Variants in SLC4A10 observed in about 807,000 individuals in gnomAD.
SLC4A10 encodes the protein sodium-driven chloride bicarbonate exchanger.
A neutral mutation model predicts 137.7 loss-of-function variants in SLC4A10; 42 were observed. The ratio of observed to expected loss-of-function variants is 0.30; its 90% CI spans 0.24 to 0.39. The LOEUF is 0.39. SLC4A10 is among the 10% of genes least tolerant of loss of function. SLC4A10 has a pLI of 1.00. For synonymous variants in SLC4A10, 474 were observed against 464.1 expected, an observed-to-expected ratio of 1.02 and a Z score of -0.27; for missense variants, 925 against 1,355.0, an observed-to-expected ratio of 0.68 and a Z score of 4.98.
intron 26 of SLC4A10, among the ~76,000 whole-genome samples, chr2:161,978,451 A>C (rs1699754256): frequency 1.3e-5 from 2 of 151,832 alleles, no homozygotes; most frequent in African/African-American, 2.4e-5. Context: ...CAAAGCTGAG[A>C]GCCTCCATTA....
rs751709773 is a variant in SLC4A10, at chr2:161,904,173, C to A, written c.1612C>A (p.Arg538Ser). The A allele has an allele frequency of 1.9e-6, 3 of 1,609,708 alleles. No homozygotes were observed. Among genetic ancestry groups the A allele is most frequent in the Non-Finnish European group, 2.5e-6 (3 of 1,177,988 alleles). Residue 538 changes from arginine (R) to serine (S), a missense_variant, in exon 13 of 27, where the codon CGT becomes AGT. Transcript: ENST00000446997. ...GGLLGEATEG[R>S]ISAIESLFGA... Reference sequence around the variant, plus strand: ...ACTGCTGGGAGAAGCAACTGAAGGGCGTATAGTATGTATTATGCTTTTCTC... The same window carrying A: ...ACTGCTGGGAGAAGCAACTGAAGGGAGTATAGTATGTATTATGCTTTTCTC...
chr2:161,872,165 C>T (rs1365082010), intron 6 of SLC4A10, 128 bp from the exon 7 acceptor site: 5 of 529,784 alleles, frequency 9.4e-6, no homozygotes, highest in African/African-American at 3.8e-5. Flanking sequence ...TATATTGACC[C>T]TTCATTCTTA....
At chr2:161,847,728 T>C (rs2059589710) in intron 4 of SLC4A10, among the ~76,000 whole-genome samples, 1 of 152,168 alleles carries the variant, frequency 6.6e-6, no homozygotes, top group Admixed American at 6.6e-5. Context: ...TAGCTGCATA[T>C]TATTGCATGG....
rs188980938 is a variant in SLC4A10 at position 161,734,656 on chromosome 2, A to T, written c.49-36317A>T. ...AGTAACTTTTAAACGAGACACAATT[A>T]GTTTTAAAATAAATACTCATTTTAT... On this transcript the variant is annotated intron_variant, in intron 1 of 26. Transcript: ENST00000446997. 3.8e-3 allele frequency among the ~76,000 whole-genome samples: 581 copies of T among 152,280 alleles called. 3 individuals carry two copies. The highest frequency in any genetic ancestry group is 0.013 in the African/African-American group (557 of 41,540).
At chr2:161,933,300 T>A (rs1476535696) in intron 15 of SLC4A10, among the ~76,000 whole-genome samples, 1 of 150,912 alleles carries the variant, frequency 6.6e-6, no homozygotes, top group East Asian at 1.9e-4. Context: ...TTTCTTTGTT[T>A]CTTTTTTCTT....
chr2:161,719,178 G>T (rs1240696467), intron 1 of SLC4A10, among the ~76,000 whole-genome samples: 1 of 151,870 alleles, frequency 6.6e-6, no homozygotes, highest in African/African-American at 2.4e-5. Flanking sequence ...CTTGTGATAG[G>T]TTGCTGAGAA....
chr2:161,969,374 T>C (rs1481089117), intron 23 of SLC4A10, among the ~76,000 whole-genome samples: 1 of 152,222 alleles, frequency 6.6e-6, no homozygotes, highest in Non-Finnish European at 1.5e-5. Flanking sequence ...GAAAGGATTA[T>C]AATCAGGGTA....
chr2:161,864,313 C>T (rs1233039272), intron 6 of SLC4A10, among the ~76,000 whole-genome samples: 2 of 152,068 alleles, frequency 1.3e-5, no homozygotes, highest in Admixed American at 6.6e-5. Context: ...GTAATGACAG[C>T]GTGAAATATC....
At chr2:161,945,742 A>G (rs954258890) in intron 16 of SLC4A10, among the ~76,000 whole-genome samples, 9 of 152,050 alleles carry the variant, frequency 5.9e-5, no homozygotes, top group African/African-American at 1.4e-4. Context: ...CAAAGAGAAA[A>G]TAAATAACAT....
At chr2:161,983,097 G>T in intron 26 of SLC4A10, 82 bp from the exon 27 acceptor site, 2 of 1,293,416 alleles carry the variant, frequency 1.5e-6, no homozygotes, top group East Asian at 2.5e-5. Context: ...TGGGGTTGAC[G>T]GGTTTTATGT....
chr2:161,808,879 G>A (rs2056276227), intron 3 of SLC4A10, among the ~76,000 whole-genome samples: 1 of 152,104 alleles, frequency 6.6e-6, no homozygotes, highest in African/African-American at 2.4e-5. Flanking sequence ...GAACATACCA[G>A]TGCATGCATC....
intron 1 of SLC4A10, among the ~76,000 whole-genome samples, chr2:161,761,725 C>T (rs149287826): frequency 2.5e-3 from 379 of 152,194 alleles, no homozygotes; most frequent in African/African-American, 8.6e-3. Flanking sequence ...GTCACAGCAA[C>T]CGTCAGAAGT....
At position 161,915,531 on chromosome 2, in the gene SLC4A10, A is replaced by G. The variant is rs187110576; in HGVS notation, c.1997+9644A>G. 9.7e-4 allele frequency among the ~76,000 whole-genome samples: 148 copies of G among 152,252 alleles called. 3 individuals carry two copies. In the East Asian group the frequency reaches 0.019, roughly 20 times the overall value. On this transcript the variant is annotated intron_variant, in intron 15 of 26. Coordinates refer to ENST00000446997, the MANE Select transcript of SLC4A10 (RefSeq NM_001178015.2). ...GCTTCCCCATACGATGAGGCAAAGGACCTAGCTGATAACACACTGCTGTCT... is the reference window on the plus strand; with the variant it reads ...GCTTCCCCATACGATGAGGCAAAGGGCCTAGCTGATAACACACTGCTGTCT...
At position 161,966,735 on chromosome 2, in the gene SLC4A10, CAA is replaced by C. The variant is rs11322395; in HGVS notation, c.3159+1575_3159+1576del. On this transcript the variant is annotated intron_variant, in intron 23 of 26. Transcript: ENST00000446997. ...CTGGTGACAGAGCGAGACTCCGTCT[CAA>C]AAAAAAAAAAAACAAAAAACTTTGA... Among the ~76,000 whole-genome samples the C allele has an allele frequency of 6.5e-3, 820 of 125,646 alleles. 6 individuals are homozygous for C. The highest frequency in any genetic ancestry group is 0.02 in the African/African-American group (737 of 36,550). The allele number at this position is 125,646 out of a possible 152,430, so 82.4% of individuals were successfully genotyped here.
chr2:161,803,120 T>C (rs566983948), intron 2 of SLC4A10, among the ~76,000 whole-genome samples: 14 of 152,292 alleles, frequency 9.2e-5, no homozygotes, highest in Admixed American at 8.5e-4. Context: ...ATCTACTTGG[T>C]AACACAAATA....
intron 15 of SLC4A10, among the ~76,000 whole-genome samples, chr2:161,916,637 T>A (rs913392522): frequency 6.6e-6 from 1 of 152,216 alleles, no homozygotes; most frequent in Non-Finnish European, 1.5e-5. Flanking sequence ...TTCTCTCTCC[T>A]CCTGCTACTT....
intron 2 of SLC4A10, among the ~76,000 whole-genome samples, chr2:161,772,600 A>G (rs1195176053): frequency 6.6e-6 from 1 of 151,918 alleles, no homozygotes; most frequent in Non-Finnish European, 1.5e-5. Flanking sequence ...GCACAACTGG[A>G]TTAGCCAGAT....
Position 161,856,872 on chromosome 2 carries a change from G to A in SLC4A10, c.577+1742G>A, listed in dbSNP as rs994490384. On this transcript the variant is annotated intron_variant, in intron 5 of 26. Coordinates refer to ENST00000446997, the MANE Select transcript of SLC4A10 (RefSeq NM_001178015.2). ...AAGGTTAAAGGCCTTGCTCTAAGGC[G>A]TTTATTTCTGCCGCTTAAATCGATG... Among the ~76,000 whole-genome samples the A allele has an allele frequency of 7.2e-5, 11 of 152,102 alleles. No homozygotes were observed. In the South Asian group the frequency reaches 1.2e-3, roughly 17 times the overall value.
chr2:161,699,807 G>C (rs2042945357), intron 1 of SLC4A10, among the ~76,000 whole-genome samples: 1 of 152,116 alleles, frequency 6.6e-6, no homozygotes, highest in Non-Finnish European at 1.5e-5. Flanking sequence ...AGATGAAGGA[G>C]AGAGGCCTGC....
Sources: gnomAD v4.1 joint callset for allele counts (sites outside exome capture counted in the v4.1 genomes callset) on GRCh38, gnomAD v4.1.1 for gene constraint, MANE v1.5 for transcripts, NCBI Gene and HGNC (gene_info 2026-07-23, HGNC 2026-07-21) for gene names.